Variants in EML3 observed in about 807,000 individuals in gnomAD.
EML3 encodes echinoderm microtubule-associated protein-like 3.
Under a neutral mutation model 106.7 loss-of-function variants are expected in EML3, and 53 were observed. That is an observed-to-expected ratio of 0.50 (90% CI 0.40 to 0.62). The LOEUF (loss-of-function observed/expected upper bound fraction) is 0.62. Among genes scored for constraint, EML3 ranks in the 20% least tolerant of loss-of-function variants. The probability of loss-of-function intolerance (pLI) is 0.00; values close to 1 mark genes in which losing one functional copy is unlikely to be tolerated. For synonymous variants in EML3, 499 were observed against 489.6 expected, an observed-to-expected ratio of 1.02 and a Z score of -0.25; for missense variants, 994 against 1,209.1, an observed-to-expected ratio of 0.82 and a Z score of 2.64.
Position 62,605,145 on chromosome 11 carries a change from C to T in EML3, c.1950G>A (p.Gly650=), listed in dbSNP as rs752338254. ...TGTTCAGTCCTACGGCCACAACTGC[C>T]CCACTCGGGTGGAAGTCAGCACAGA... ...TGLCADFHPS[G]AVVAVGLNTG... Residue 650 remains glycine, a synonymous_variant, in exon 16 of 22, where the codon GGG becomes GGA. Transcript: ENST00000394773. This position sits in a 1 kb window ranked among gnomAD's most constrained non-coding sequence, Gnocchi z 5.2. 3.1e-6 allele frequency: 5 copies of T among 1,612,988 alleles called. No individual in the cohort carries two copies. The highest frequency in any genetic ancestry group is 2.7e-5 in the African/African-American group (2 of 74,854).
chr11:62,603,775 A>C lies in EML3; in HGVS notation c.2211T>G (p.Asp737Glu). 1 of 1,614,180 alleles carries C rather than the reference A, an allele frequency of 6.2e-7. No homozygotes were observed. The highest frequency in any genetic ancestry group is 8.5e-7 in the Non-Finnish European group (1 of 1,180,038). The change falls in exon 19 of 22, where the codon GAT (aspartate) becomes GAG (glutamate). Residue 737 changes from aspartate to glutamate, a missense_variant. Asp to Glu is a conservative substitution (Grantham distance 45, BLOSUM62 2). Around this residue, in one of 3 missense-constraint regions of EML3, gnomAD observed 713 missense variants for 920.5 expected, o/e 0.77. Transcript: ENST00000394773. ...CAGAATTGGACATGATGAAATTCCC[A>C]TCCTTGGACCAGTCAAGATGAGTGA... The part of the protein sequence containing the change: ...SFITHLDWSK[D>E]GNFIMSNSGD...
Position 62,608,988 on chromosome 11 carries a change from G to A in EML3, c.903C>T (p.Tyr301=). ...GGPGGGGQRH[Y]RGHTDCVRCL... ...ATCGAACGCAGTCTGTGTGCCCCCG[G>A]TAATGTCTCTGGCCGCCACCTCCAG... The change falls in exon 7 of 22, where the codon TAC becomes TAT. Residue 301 remains tyrosine, a synonymous_variant. Coordinates refer to ENST00000394773, the MANE Select transcript of EML3 (RefSeq NM_153265.3). 6.2e-7 allele frequency: 1 copy of A among 1,613,900 alleles called. No individual in the cohort carries two copies. The highest frequency in any genetic ancestry group is 8.5e-7 in the Non-Finnish European group (1 of 1,180,004).
At position 62,609,823 on chromosome 11, in the gene EML3, C is replaced by T. The variant is rs563154860; in HGVS notation, c.567-127G>A. 8.2e-5 allele frequency: 64 copies of T among 781,164 alleles called. No homozygotes were observed. In the East Asian group the frequency reaches 1.3e-3, roughly 16 times the overall value. The allele number at this position is 781,164 out of a possible 1,614,324, so 48.4% of individuals were successfully genotyped here. A position where few individuals can be genotyped will look rare whatever the true frequency, so the allele number is the denominator to read the frequency against. On this transcript the variant is annotated intron_variant, in intron 4 of 21. Transcript: ENST00000394773. ...ACTTCTGCAAGCCTGTAGTTTGCTT[C>T]GTGAGTATCAGGGCCCTAGTAGATG...
intron 16 of EML3, 92 bp from the exon 17 acceptor site, chr11:62,604,293 T>G: frequency 1.9e-6 from 2 of 1,061,146 alleles, no homozygotes; most frequent in Admixed American, 3.9e-5. Context: ...GGCTTGGGGA[T>G]GGCAAATAAG....
At chr11:62,607,402 G>A (rs375190224) in intron 11 of EML3, 14 of 459,466 alleles carry the variant, frequency 3.0e-5, no homozygotes, top group Admixed American at 7.7e-5. Context: ...AAAATCAGCC[G>A]GCGCGCATCT....
Position 62,603,821 on chromosome 11 carries a change from G to C in EML3, c.2170-5C>G. On this transcript the variant is annotated splice_region_variant and splice_polypyrimidine_tract_variant and intron_variant, in intron 18 of 21. Coordinates refer to ENST00000394773, the MANE Select transcript of EML3 (RefSeq NM_153265.3). Reference sequence around the variant, plus strand: ...AGTGATGAAGCTGGAGTGACCCTGGGAGCAAAGGTCAAGAGTTTTAAAGTA... The same window carrying C: ...AGTGATGAAGCTGGAGTGACCCTGGCAGCAAAGGTCAAGAGTTTTAAAGTA... 1.2e-6 allele frequency: 2 copies of C among 1,614,002 alleles called. No individual in the cohort carries two copies. The highest frequency in any genetic ancestry group is 1.7e-6 in the Non-Finnish European group (2 of 1,179,934).
chr11:62,612,466 C>T lies in EML3; in HGVS notation c.-9G>A. ...CCCGCGGCCCCGTCCATCCGGCCCC[C>T]GGGTTGCTCCGAGCGGCGGCGGCGG... On this transcript the variant is annotated 5_prime_UTR_variant, in exon 1 of 22. Coordinates refer to ENST00000394773, the MANE Select transcript of EML3 (RefSeq NM_153265.3). 1 of 1,432,726 alleles carries T rather than the reference C, an allele frequency of 7.0e-7. No homozygotes were observed. The allele number at this position is 1,432,726 out of a possible 1,614,324, so 88.8% of individuals were successfully genotyped here.
chr11:62,606,856 C>T, intron 12 of EML3, 102 bp downstream of exon 12: 1 of 915,898 alleles, frequency 1.1e-6, no homozygotes, highest in Non-Finnish European at 1.5e-6. Context: ...GACCTCATCT[C>T]AAAAAAAAAA....
chr11:62,610,892 C>A lies in EML3; in HGVS notation c.553G>T (p.Gly185Trp). Residue 185 changes from glycine to tryptophan, a missense_variant, in exon 4 of 22, where the codon GGG (glycine) becomes TGG (tryptophan). Around this residue, in one of 3 missense-constraint regions of EML3, gnomAD observed 269 missense variants for 265.1 expected, o/e 1.01. Coordinates refer to ENST00000394773, the MANE Select transcript of EML3 (RefSeq NM_153265.3). ...ISSANLLVRS[G>W]STESRGGKDP... ...AGCCTCACCCACCTCTCTGTGCTCC[C>A]GGACCGCACTAACAGGTTGGCGGAG... The A allele has an allele frequency of 6.2e-7, 1 of 1,611,492 alleles. No homozygotes were observed.
chr11:62,612,459 C>A lies in EML3; in HGVS notation c.-2G>T, dbSNP rs970411227. The A allele has an allele frequency of 4.8e-6, 7 of 1,458,492 alleles. No individual in the cohort carries two copies. The highest frequency in any genetic ancestry group is 2.4e-4 in the Middle Eastern group (1 of 4,142). The allele number at this position is 1,458,492 out of a possible 1,614,324, so 90.3% of individuals were successfully genotyped here. A position where few individuals can be genotyped will look rare whatever the true frequency, so the allele number is the denominator to read the frequency against. On this transcript the variant is annotated 5_prime_UTR_variant, in exon 1 of 22. Coordinates refer to ENST00000394773, the MANE Select transcript of EML3 (RefSeq NM_153265.3). ...ACCGGGCCCCGCGGCCCCGTCCATC[C>A]GGCCCCCGGGTTGCTCCGAGCGGCG...
chr11:62,602,409 G>A lies in EML3; in HGVS notation c.*66C>T, dbSNP rs35156678. 0.33 allele frequency: 506,903 copies of A among 1,549,694 alleles called. 88,776 individuals are homozygous for A. Among genetic ancestry groups the A allele is most frequent in the Non-Finnish European group, 0.37 (421,205 of 1,145,868 alleles). ...AGTCGGCCCCTAGTCGTGGGGGATT[G>A]GGCCAGGGAAGGGCAGGGCGGGGCG... On this transcript the variant is annotated 3_prime_UTR_variant, in exon 22 of 22. Transcript: ENST00000394773.
rs1196530912 is a variant in EML3, at chr11:62,605,291, GA to G, written c.1915-112del. On this transcript the variant is annotated intron_variant, in intron 15 of 21. Coordinates refer to ENST00000394773, the MANE Select transcript of EML3 (RefSeq NM_153265.3). The surrounding 1 kb of genome is among the most constrained non-coding windows in gnomAD (Gnocchi z 5.2). ...CCACTTACTCCCAAGGAGAAGATGG[GA>G]AGAGAGGGAAGGGATACCCGGGTAT... 1 of 1,085,174 alleles carries G rather than the reference GA, an allele frequency of 9.2e-7. No homozygotes were observed. The highest frequency in any genetic ancestry group is 2.7e-5 in the East Asian group (1 of 37,630). 67.2% of individuals were successfully genotyped at this position (1,085,174 alleles called of 1,614,324 possible).
At chr11:62,610,387 C>T (rs1942749273) in intron 4 of EML3, among the ~76,000 whole-genome samples, 1 of 152,184 alleles carries the variant, frequency 6.6e-6, no homozygotes, top group Admixed American at 6.5e-5. Context: ...TGTCCTCTTG[C>T]CCTCTAGAAG....
Position 62,609,474 on chromosome 11 carries a change from C to A in EML3, c.638G>T (p.Gly213Val). The A allele has an allele frequency of 6.4e-7, 1 of 1,567,984 alleles. No homozygotes were observed. The highest frequency in any genetic ancestry group is 8.7e-7 in the Non-Finnish European group (1 of 1,155,726). ...GSRRSNYNLEGISVKMFLRGR... is the reference protein window; with the variant it reads ...GSRRSNYNLEVISVKMFLRGR... ...TCGAAGGAACATCTTCACTGAGATG[C>A]CTTCTACAGAGAAAAGGGGTGGTGT... The change falls in exon 6 of 22, where the codon GGC (glycine) becomes GTC (valine). Residue 213 changes from glycine (G) to valine (V), a missense_variant. This residue lies in a region of EML3 where 269 missense variants were observed against 265.1 expected (regional missense o/e 1.01). Coordinates refer to ENST00000394773, the MANE Select transcript of EML3 (RefSeq NM_153265.3).
In EML3 at chr11:62,608,412, A is replaced by G. The variant is rs12287847; in HGVS notation, c.1111-116T>C. ...GAGAGGGCAGAAAAAGTTGACACAC[A>G]TGGCCCTTTCTCAAGAGAACCAGCT... On this transcript the variant is annotated intron_variant, in intron 9 of 21. Transcript: ENST00000394773. The G allele has an allele frequency of 2.1e-4, 281 of 1,329,814 alleles. 2 individuals carry two copies. The African/African-American group carries it at 3.7e-3, about 18-fold the overall frequency. The allele number at this position is 1,329,814 out of a possible 1,614,324, so 82.4% of individuals were successfully genotyped here.
rs761199566 is a variant in EML3 at position 62,602,674 on chromosome 11, G to T, written c.2492C>A (p.Pro831Gln). 6.3e-7 allele frequency: 1 copy of T among 1,596,786 alleles called. No individual in the cohort carries two copies. Among genetic ancestry groups the T allele is most frequent in the Non-Finnish European group, 8.5e-7 (1 of 1,174,778 alleles). Residue 831 changes from proline to glutamine, a missense_variant, in exon 22 of 22, where the codon CCG (proline) becomes CAG (glutamine). Physicochemically the swap from Pro to Gln is moderately conservative, Grantham distance 76 (BLOSUM62 -1). Coordinates refer to ENST00000394773, the MANE Select transcript of EML3 (RefSeq NM_153265.3). ...FQYPCARAKA[P>Q]SRMYGGHGSH... Reference sequence around the variant, plus strand: ...GCCGTGGCCCCCGTACATGCGGCTCGGCGCCTGGGCCGGAGGGAAGAGTTG... The same window carrying T: ...GCCGTGGCCCCCGTACATGCGGCTCTGCGCCTGGGCCGGAGGGAAGAGTTG...
At chr11:62,612,358 A>G in intron 1 of EML3, 78 bp downstream of exon 1, 1 of 1,422,586 alleles carries the variant, frequency 7.0e-7, no homozygotes, top group African/African-American at 1.5e-5. Context: ...GCCTCCAGAC[A>G]GCCGTCCAGC....
chr11:62,606,380 A>C, intron 12 of EML3, 166 bp from the exon 13 acceptor site: 11 of 835,916 alleles, frequency 1.3e-5, no homozygotes, highest in Non-Finnish European at 2.0e-5. Flanking sequence ...CCCATTTTAC[A>C]AACAGGACAA....
Position 62,606,856 on chromosome 11 carries a change from C to CCA in EML3, c.1504+101_1504+102insTG, listed in dbSNP as rs71458426. ...TGGGCAACAGAGTAAGACCTCATCTCAAAAAAAAAAAAAAAAAAGATGGGA... is the reference window on the plus strand; with the variant it reads ...TGGGCAACAGAGTAAGACCTCATCTCCAAAAAAAAAAAAAAAAAAAGATGGGA... On this transcript the variant is annotated intron_variant, in intron 12 of 21. Coordinates refer to ENST00000394773, the MANE Select transcript of EML3 (RefSeq NM_153265.3). The CCA allele has an allele frequency of 1.6e-3, 1,506 of 916,522 alleles. 5 individuals carry two copies. The highest frequency in any genetic ancestry group is 0.012 in the African/African-American group (551 of 47,366). 56.8% of individuals were successfully genotyped at this position (916,522 alleles called of 1,614,324 possible). A position where few individuals can be genotyped will look rare whatever the true frequency, so the allele number is the denominator to read the frequency against.
Sources: gnomAD v4.1 joint callset for allele counts (sites outside exome capture counted in the v4.1 genomes callset) on GRCh38, gnomAD v4.1.1 for gene constraint, gnomAD v4.1.1 regional missense constraint, Gnocchi (gnomAD v3.1) non-coding constraint, MANE v1.5 for transcripts, NCBI Gene and HGNC (gene_info 2026-07-23, HGNC 2026-07-21) for gene names.